Variants in HBS1L observed in about 807,000 individuals in gnomAD.
HBS1L encodes the protein HBS1 like translational GTPase.
In HBS1L, 55 loss-of-function variants were observed where a neutral mutation model predicts 88.9. The observed-to-expected ratio is 0.62, with a 90% confidence interval of 0.50 to 0.77. The LOEUF (loss-of-function observed/expected upper bound fraction) is 0.77. HBS1L is among the 30% of genes least tolerant of loss of function. The pLI, the probability that HBS1L is intolerant of heterozygous loss-of-function variation, is 0.00. For missense variants in HBS1L, 741 were observed against 829.3 expected (o/e 0.89, Z 1.31); for synonymous variants, 267 against 288.5 (o/e 0.93, Z 0.76).
intron 16 of HBS1L, among the ~76,000 whole-genome samples, chr6:134,968,639 A>G (rs1368963180): frequency 6.6e-6 from 1 of 152,044 alleles, no homozygotes; most frequent in Non-Finnish European, 1.5e-5. Flanking sequence ...AAAAATCCCA[A>G]TCTCGTCCTA....
intron 4 of HBS1L, among the ~76,000 whole-genome samples, chr6:135,008,187 CAT>C (rs762542356): frequency 6.0e-4 from 91 of 152,328 alleles, no homozygotes; most frequent in African/African-American, 2.0e-3. Context: ...TCTGAAAACT[CAT>C]ATATTCATAA....
chr6:134,964,230 C>T lies in HBS1L; in HGVS notation c.*1049G>A, dbSNP rs1478930528. ...ATAAACAGTCTATCAGATCAGAGTTCCAGGTTCAGCTGAGGTCAAAATCTA... is the reference window on the plus strand; with the variant it reads ...ATAAACAGTCTATCAGATCAGAGTTTCAGGTTCAGCTGAGGTCAAAATCTA... On this transcript the variant is annotated 3_prime_UTR_variant, in exon 18 of 18. Transcript: ENST00000367837. 2 of 152,052 alleles carry T rather than the reference C, an allele frequency of 1.3e-5. No individual in the cohort carries two copies. Among genetic ancestry groups the T allele is most frequent in the African/African-American group, 4.8e-5 (2 of 41,384 alleles). 9.4% of individuals were successfully genotyped at this position (152,052 alleles called of 1,614,324 possible).
Position 134,998,979 on chromosome 6 carries a change from C to G in HBS1L, c.540-1323G>C, listed in dbSNP as rs190926928. Reference sequence around the variant, plus strand: ...ACAGGCTAAATTAAGTGAAATCAAACAGACTATAATTTGCAAATATTTGTT... The same window carrying G: ...ACAGGCTAAATTAAGTGAAATCAAAGAGACTATAATTTGCAAATATTTGTT... On this transcript the variant is annotated intron_variant, in intron 5 of 17. Transcript: ENST00000367837. Among the ~76,000 whole-genome samples the G allele has an allele frequency of 2.0e-3, 310 of 152,284 alleles. 1 individual carries two copies. The highest frequency in any genetic ancestry group is 7.3e-3 in the African/African-American group (304 of 41,568).
intron 14 of HBS1L, 107 bp from the exon 15 acceptor site, chr6:134,978,894 A>G: frequency 1.4e-6 from 1 of 702,526 alleles, no homozygotes; most frequent in Non-Finnish European, 2.4e-6. Flanking sequence ...TAAGTAAATT[A>G]GGGACTTTTT....
At chr6:135,038,985 T>G (rs1776644261) in intron 4 of HBS1L, among the ~76,000 whole-genome samples, 1 of 152,190 alleles carries the variant, frequency 6.6e-6, no homozygotes, top group Non-Finnish European at 1.5e-5. Context: ...ATGTCTTGTC[T>G]TATCTAATTT....
At chr6:134,983,867 TAGAC>T (rs1774902897) in intron 12 of HBS1L, among the ~76,000 whole-genome samples, 1 of 151,756 alleles carries the variant, frequency 6.6e-6, no homozygotes, top group African/African-American at 2.4e-5. Context: ...AGGTCAGAGA[TAGAC>T]AGGTCAGAGA....
intron 4 of HBS1L, among the ~76,000 whole-genome samples, chr6:135,027,790 G>A (rs1776276133): frequency 6.9e-6 from 1 of 145,802 alleles, no homozygotes; most frequent in African/African-American, 2.5e-5. Context: ...TTTTTTTTGA[G>A]ACAGTCTCAC....
intron 15 of HBS1L, among the ~76,000 whole-genome samples, chr6:134,973,681 G>A (rs925956110): frequency 6.6e-6 from 1 of 152,130 alleles, no homozygotes; most frequent in Non-Finnish European, 1.5e-5. Context: ...GCCAGGCGTG[G>A]TAGTGCACAC....
chr6:135,047,738 CA>C (rs1776956188), intron 2 of HBS1L, among the ~76,000 whole-genome samples: 2 of 152,224 alleles, frequency 1.3e-5, no homozygotes, highest in Admixed American at 1.3e-4. Context: ...TTTTTTAACT[CA>C]AATCTAATAT....
intron 4 of HBS1L, among the ~76,000 whole-genome samples, chr6:135,031,473 A>C (rs1776382518): frequency 6.6e-6 from 1 of 152,102 alleles, no homozygotes; most frequent in African/African-American, 2.4e-5. Flanking sequence ...GGTGGGAATA[A>C]CAGGAATGGT....
chr6:135,007,012 C>A (rs912977336), intron 4 of HBS1L, among the ~76,000 whole-genome samples: 1 of 151,954 alleles, frequency 6.6e-6, no homozygotes, highest in Non-Finnish European at 1.5e-5. Context: ...CCATTTTGCA[C>A]GTAAAAAATT....
chr6:134,992,880 T>G (rs1346971775), intron 8 of HBS1L, among the ~76,000 whole-genome samples: 1 of 152,210 alleles, frequency 6.6e-6, no homozygotes, highest in Non-Finnish European at 1.5e-5. Flanking sequence ...GCCTTCACAT[T>G]CACTCACTGA....
At chr6:135,013,734 T>G (rs545105515) in intron 4 of HBS1L, among the ~76,000 whole-genome samples, 2 of 152,190 alleles carry the variant, frequency 1.3e-5, no homozygotes, top group African/African-American at 4.8e-5. Context: ...TTAAAAGATA[T>G]TACAGTCAGA....
intron 13 of HBS1L, among the ~76,000 whole-genome samples, chr6:134,980,962 C>G (rs1191213070): frequency 6.6e-6 from 1 of 151,754 alleles, no homozygotes; most frequent in African/African-American, 2.4e-5. Flanking sequence ...AAAAGACTGG[C>G]TCTCAAGAAG....
chr6:135,021,915 TGA>T (rs1226687011), intron 4 of HBS1L, among the ~76,000 whole-genome samples: 1 of 152,084 alleles, frequency 6.6e-6, no homozygotes, highest in Non-Finnish European at 1.5e-5. Context: ...TATCCCCCCT[TGA>T]GAGGTAGCTC....
At chr6:134,985,842 A>T (rs56358308) in intron 11 of HBS1L, among the ~76,000 whole-genome samples, 48,070 of 152,014 alleles carry the variant, frequency 0.32, 7,961 homozygotes, top group Non-Finnish European at 0.37. Context: ...TAATTTTAAC[A>T]ACAGTCTATA....
chr6:135,006,534 A>G (rs545068858), intron 4 of HBS1L, among the ~76,000 whole-genome samples: 1 of 152,284 alleles, frequency 6.6e-6, no homozygotes, highest in Admixed American at 6.5e-5. Flanking sequence ...AGCTAAAGAC[A>G]ATAACTTCAA....
chr6:134,997,533 C>T lies in HBS1L; in HGVS notation c.663G>A (p.Thr221=), dbSNP rs750935367. The T allele has an allele frequency of 8.7e-6, 14 of 1,613,880 alleles. No individual in the cohort carries two copies. The highest frequency in any genetic ancestry group is 2.2e-5 in the East Asian group (1 of 44,886). ...TASKSANPPH[T]IQASEEQSST... ...AACTCTGCTCTTCTGATGCTTGAAT[C>T]GTGTGGGGTGGATTAGCAGATTTAG... The change falls in exon 6 of 18, where the codon ACG becomes ACA. Residue 221 remains threonine (T), a synonymous_variant. Transcript: ENST00000367837.
chr6:135,011,632 CG>C (rs993733847), intron 4 of HBS1L, among the ~76,000 whole-genome samples: 15 of 151,740 alleles, frequency 9.9e-5, no homozygotes, highest in Non-Finnish European at 1.9e-4. Flanking sequence ...TGGCTGGGCG[CG>C]GTGGCTCACA....
Sources: gnomAD v4.1 joint callset for allele counts (sites outside exome capture counted in the v4.1 genomes callset) on GRCh38, gnomAD v4.1.1 for gene constraint, MANE v1.5 for transcripts, NCBI Gene and HGNC (gene_info 2026-07-23, HGNC 2026-07-21) for gene names.